DLK1: variants seen among roughly 807,000 people sequenced by gnomAD.
DLK1 encodes protein delta homolog 1.
Under a neutral mutation model 35.2 loss-of-function variants are expected in DLK1, and 9 were observed. The ratio of observed to expected loss-of-function variants is 0.26; its 90% CI spans 0.15 to 0.45. DLK1 has a LOEUF of 0.45. Ranked by LOEUF, DLK1 falls within the 20% of genes least tolerant of loss-of-function variation. DLK1 has a pLI of 1.00. For missense variants in DLK1, 522 were observed against 528.5 expected (o/e 0.99, Z 0.12); for synonymous variants, 231 against 228.4 (o/e 1.01, Z -0.10).
At chr14:100,728,581 C>A in intron 2 of DLK1, 122 bp downstream of exon 2, 3 of 827,728 alleles carry the variant, frequency 3.6e-6, no homozygotes, top group Non-Finnish European at 5.6e-6. Flanking sequence ...GCTTCCGGGC[C>A]CCTGCAGAAA....
In DLK1 at chr14:100,735,624, A is replaced by C. The variant is rs2036564167; in HGVS notation, c.*728A>C. 1 of 152,202 alleles carries C rather than the reference A, an allele frequency of 6.6e-6. No homozygotes were observed. The highest frequency in any genetic ancestry group is 2.1e-4 in the South Asian group (1 of 4,830). The allele number at this position is 152,202 out of a possible 1,614,324, so 9.4% of individuals were successfully genotyped here. On this transcript the variant is annotated 3_prime_UTR_variant, in exon 5 of 5. Transcript: ENST00000341267. ...CTGGCTCTAAAACTCTGAATTAGGA[A>C]CGAGGGGGTATGAACCAAAACACTT...
Position 100,734,645 on chromosome 14 carries a change from G to T in DLK1, c.901G>T (p.Glu301Ter). The change falls in exon 5 of 5, where the codon GAG becomes TAG. Residue 301 changes from glutamate to a stop codon, truncating the protein, a stop_gained. Transcript: ENST00000341267. LOFTEE classifies it high-confidence loss of function. The surrounding 1 kb of genome is among the most constrained non-coding windows in gnomAD (Gnocchi z 7.4). The part of the protein sequence containing the change: ...ELNKKTPLLT[E>*]GQAICFTILG... ...CAACAAGAAAACCCCTCTCCTCACC[G>T]AGGGCCAGGCCATCTGCTTCACCAT... is the stretch of plus-strand genomic sequence containing the variant. 3.1e-6 allele frequency: 5 copies of T among 1,613,992 alleles called. No homozygotes were observed. The highest frequency in any genetic ancestry group is 4.2e-6 in the Non-Finnish European group (5 of 1,180,038).
intron 1 of DLK1, 31 bp downstream of exon 1, chr14:100,727,166 C>T: frequency 6.5e-7 from 1 of 1,538,494 alleles, no homozygotes; most frequent in Non-Finnish European, 8.7e-7. Context: ...GCTCGCGCCC[C>T]CTCTGGGGAA....
chr14:100,728,851 CT>C (rs2036472340), intron 2 of DLK1, 84 bp from the exon 3 acceptor site: 1 of 1,548,634 alleles, frequency 6.5e-7, no homozygotes, highest in South Asian at 1.2e-5. Context: ...CCCAAGGGTC[CT>C]TGGTTCCACA....
At position 100,734,935 on chromosome 14, in the gene DLK1, C is replaced by T. The variant is rs372726109; in HGVS notation, c.*39C>T. The stretch of plus-strand genomic sequence containing the variant: ...AGCCCCCTCTAGATTCTTGGAGTTC[C>T]GCAGAGCTTACTATACGCGGTCTGT... On this transcript the variant is annotated 3_prime_UTR_variant, in exon 5 of 5. Transcript: ENST00000341267. The surrounding 1 kb of genome is among the most constrained non-coding windows in gnomAD (Gnocchi z 7.4). The T allele has an allele frequency of 3.5e-5, 54 of 1,531,430 alleles. No individual in the cohort carries two copies. The highest frequency in any genetic ancestry group is 9.6e-5 in the African/African-American group (7 of 72,644). The allele number at this position is 1,531,430 out of a possible 1,614,324, so 94.9% of individuals were successfully genotyped here.
At position 100,735,892 on chromosome 14, in the gene DLK1, C is replaced by T. The variant is rs574989414; in HGVS notation, c.*996C>T. 236 of 152,164 alleles carry T rather than the reference C, an allele frequency of 1.6e-3. 1 individual carries two copies. Among genetic ancestry groups the T allele is most frequent in the African/African-American group, 5.5e-3 (230 of 41,490 alleles). The allele number at this position is 152,164 out of a possible 1,614,324, so 9.4% of individuals were successfully genotyped here. On this transcript the variant is annotated 3_prime_UTR_variant, in exon 5 of 5. Coordinates refer to ENST00000341267, the MANE Select transcript of DLK1 (RefSeq NM_003836.7). ...CACCCCTCTTTGCCCACCCAGAACC[C>T]CAACACTATACCTGCCTCTACCCTA... is the stretch of plus-strand genomic sequence containing the variant.
intron 4 of DLK1, among the ~76,000 whole-genome samples, chr14:100,733,342 T>G (rs1450855964): frequency 6.6e-6 from 1 of 152,154 alleles, no homozygotes; most frequent in Non-Finnish European, 1.5e-5. Context: ...GTTTTGCCAT[T>G]TATCGGATGA....
In DLK1 at chr14:100,727,015, G is replaced by A; in HGVS notation, c.-54G>A. On this transcript the variant is annotated 5_prime_UTR_variant, in exon 1 of 5. Transcript: ENST00000341267. ...AACCAGAAGCCCAGTGCGGCGCCAG[G>A]AGCCGGACCCGCGCCCGCACCGCTC... The A allele has an allele frequency of 6.7e-7, 1 of 1,498,170 alleles. No individual in the cohort carries two copies. 92.8% of individuals were successfully genotyped at this position (1,498,170 alleles called of 1,614,324 possible). A position where few individuals can be genotyped will look rare whatever the true frequency, so the allele number is the denominator to read the frequency against.
Position 100,734,244 on chromosome 14 carries a change from G to T in DLK1, c.500G>T (p.Cys167Phe). ...CCCCCTGGCTTCTCAGGCAATTTCT[G>T]CGAGATCGTGGCCAACAGCTGCACC... ...LCPPGFSGNF[C>F]EIVANSCTPN... Residue 167 changes from cysteine (C) to phenylalanine (F), a missense_variant, in exon 5 of 5, where the codon TGC becomes TTC. Physicochemically the swap from Cys to Phe is radical, Grantham distance 205. Transcript: ENST00000341267. The surrounding 1 kb of genome is among the most constrained non-coding windows in gnomAD (Gnocchi z 7.4). 1 of 1,613,408 alleles carries T rather than the reference G, an allele frequency of 6.2e-7. No individual in the cohort carries two copies. The highest frequency in any genetic ancestry group is 8.5e-7 in the Non-Finnish European group (1 of 1,180,012).
chr14:100,729,370 G>A (rs1042765479), intron 3 of DLK1: 26 of 620,824 alleles, frequency 4.2e-5, no homozygotes, highest in Middle Eastern at 3.8e-4. Flanking sequence ...CAGCTGGGCC[G>A]GTGGGACCAC....
At chr14:100,730,916 GA>G (rs549179694) in intron 3 of DLK1, among the ~76,000 whole-genome samples, 14 of 152,246 alleles carry the variant, frequency 9.2e-5, no homozygotes, top group Admixed American at 1.3e-4. Context: ...GTCTCTCTGA[GA>G]GGGGGAAAAA....
rs1324109711 is a variant in DLK1 at position 100,729,048 on chromosome 14, G to A, written c.244G>A (p.Gly82Arg). The change falls in exon 3 of 5, where the codon GGG (glycine) becomes AGG (arginine). Residue 82 changes from glycine to arginine, a missense_variant. Gly to Arg is a moderately radical substitution (Grantham distance 125, BLOSUM62 -2). Transcript: ENST00000341267. ...GQCICTDGWD[G>R]ELCDRDVRAC... is the part of the protein sequence containing the mutation. ...GTGCATTTGCACCGACGGCTGGGAC[G>A]GGGAGCTCTGTGATAGAGGTTGGCA... The A allele has an allele frequency of 9.9e-6, 16 of 1,613,770 alleles. No individual in the cohort carries two copies. Among genetic ancestry groups the A allele is most frequent in the Non-Finnish European group, 1.2e-5 (14 of 1,180,036 alleles).
In DLK1 at chr14:100,734,753, C is replaced by G. The variant is rs911398268; in HGVS notation, c.1009C>G (p.Leu337Val). 27 of 1,613,970 alleles carry G rather than the reference C, an allele frequency of 1.7e-5. No homozygotes were observed. Among genetic ancestry groups the G allele is most frequent in the Non-Finnish European group, 2.0e-5 (24 of 1,180,046 alleles). Residue 337 changes from leucine (L) to valine (V), a missense_variant, in exon 5 of 5, where the codon CTG (leucine) becomes GTG (valine). Physicochemically the swap from Leu to Val is conservative, Grantham distance 32. Transcript: ENST00000341267. This position sits in a 1 kb window ranked among gnomAD's most constrained non-coding sequence, Gnocchi z 7.4. ...LNKCETWVSN[L>V]RYNHMLRKKK... ...CAAGTGCGAGACCTGGGTGTCCAAC[C>G]TGCGCTACAACCACATGCTGCGGAA...
chr14:100,727,219 G>T, intron 1 of DLK1, 84 bp downstream of exon 1: 1 of 1,378,296 alleles, frequency 7.3e-7, no homozygotes, highest in Non-Finnish European at 9.7e-7. Flanking sequence ...CGCACGCCCC[G>T]TCTCGTGAGC....
chr14:100,736,184 T>TTA lies in DLK1; in HGVS notation c.*1288_*1289insTA, dbSNP rs35169376. ...TTGAATTTGACTTTTTTTTTTTTTT[T>TTA]AACAAAGAGCATCTATCTTTTTTGC... is the stretch of plus-strand genomic sequence containing the variant. On this transcript the variant is annotated 3_prime_UTR_variant, in exon 5 of 5. Transcript: ENST00000341267. 1.3e-5 allele frequency: 2 copies of TTA among 150,620 alleles called. No homozygotes were observed. The highest frequency in any genetic ancestry group is 3.0e-5 in the Non-Finnish European group (2 of 67,598). 9.3% of individuals were successfully genotyped at this position (150,620 alleles called of 1,614,324 possible). A position where few individuals can be genotyped will look rare whatever the true frequency, so the allele number is the denominator to read the frequency against.
chr14:100,733,263 C>T (rs1466335692), intron 4 of DLK1, among the ~76,000 whole-genome samples: 1 of 152,212 alleles, frequency 6.6e-6, no homozygotes, highest in Non-Finnish European at 1.5e-5. Context: ...CAGAGCCCAG[C>T]TCCCATGCAG....
chr14:100,728,729 G>C (rs142018292), intron 2 of DLK1: 23 of 763,628 alleles, frequency 3.0e-5, no homozygotes, highest in African/African-American at 2.8e-4. Context: ...CCGGGATCTC[G>C]GGGCCCCTCC....
In DLK1 at chr14:100,735,009, C is replaced by G; in HGVS notation, c.*113C>G. On this transcript the variant is annotated 3_prime_UTR_variant, in exon 5 of 5. Coordinates refer to ENST00000341267, the MANE Select transcript of DLK1 (RefSeq NM_003836.7). ...TCTCTTGTGTCAAATCTGGTGAACGCTACGCTTACATATATTGTCTTTGTG... is the reference window on the plus strand; with the variant it reads ...TCTCTTGTGTCAAATCTGGTGAACGGTACGCTTACATATATTGTCTTTGTG... 7.2e-7 allele frequency: 1 copy of G among 1,396,996 alleles called. No individual in the cohort carries two copies. The highest frequency in any genetic ancestry group is 9.6e-7 in the Non-Finnish European group (1 of 1,046,006). The allele number at this position is 1,396,996 out of a possible 1,614,324, so 86.5% of individuals were successfully genotyped here. A position where few individuals can be genotyped will look rare whatever the true frequency, so the allele number is the denominator to read the frequency against.
chr14:100,732,252 C>A, intron 4 of DLK1, 69 bp downstream of exon 4: 1 of 1,560,612 alleles, frequency 6.4e-7, no homozygotes, highest in Admixed American at 1.8e-5. Context: ...ACCCTTTCAG[C>A]CTAACCCTGC....
Sources: gnomAD v4.1 joint callset for allele counts (sites outside exome capture counted in the v4.1 genomes callset) on GRCh38, gnomAD v4.1.1 for gene constraint, Gnocchi (gnomAD v3.1) non-coding constraint, MANE v1.5 for transcripts, NCBI Gene and HGNC (gene_info 2026-07-23, HGNC 2026-07-21) for gene names.